The following GSK3B variants were observed in gnomAD, a reference collection of about 807,000 sequenced individuals.
GSK3B encodes the protein glycogen synthase kinase 3 beta.
GSK3B carries 15 observed loss-of-function variants against 56.4 expected under a neutral mutation model. The observed-to-expected ratio is 0.27, with a 90% CI of 0.18 to 0.41. The LOEUF is 0.41. GSK3B is among the 10% of genes least tolerant of loss of function. GSK3B has a pLI of 1.00. For missense variants in GSK3B, 300 were observed against 513.4 expected (o/e 0.58, Z 4.02); for synonymous variants, 181 against 188.9 (o/e 0.96, Z 0.34).
At chr3:119,864,948 CTTT>C (rs1318656065) in intron 8 of GSK3B, among the ~76,000 whole-genome samples, 4 of 152,098 alleles carry the variant, frequency 2.6e-5, no homozygotes, top group Middle Eastern at 3.4e-3. Flanking sequence ...ACAAAGAAAC[CTTT>C]TTGTAAGGTC....
intron 1 of GSK3B, among the ~76,000 whole-genome samples, chr3:120,056,244 T>C (rs1364115742): frequency 6.6e-6 from 1 of 152,256 alleles, no homozygotes; most frequent in Non-Finnish European, 1.5e-5. Flanking sequence ...TAAATGTCTC[T>C]TTTAATTTCT....
At chr3:119,936,626 G>A (rs1038015091) in intron 3 of GSK3B, among the ~76,000 whole-genome samples, 11 of 151,726 alleles carry the variant, frequency 7.2e-5, no homozygotes, top group Non-Finnish European at 1.3e-4. Flanking sequence ...GGGATTACAG[G>A]TGTGAGCCAA....
At chr3:119,885,489 T>C (rs2056426255) in intron 7 of GSK3B, among the ~76,000 whole-genome samples, 1 of 151,754 alleles carries the variant, frequency 6.6e-6, no homozygotes, top group Admixed American at 6.6e-5. Context: ...ACTACCAATG[T>C]CATTTTTCAT....
At chr3:119,961,288 T>C (rs1559854383) in intron 2 of GSK3B, among the ~76,000 whole-genome samples, 1 of 152,162 alleles carries the variant, frequency 6.6e-6, no homozygotes, top group African/African-American at 2.4e-5. Context: ...TGTGTATATA[T>C]AACAACAGCA....
intron 6 of GSK3B, among the ~76,000 whole-genome samples, chr3:119,908,891 C>T (rs2056708720): frequency 6.6e-6 from 1 of 152,190 alleles, no homozygotes; most frequent in African/African-American, 2.4e-5. Context: ...TGTGCTTTGG[C>T]ATTTTGCCAT....
At chr3:119,927,398 G>A (rs1438779503) in intron 3 of GSK3B, among the ~76,000 whole-genome samples, 4 of 152,084 alleles carry the variant, frequency 2.6e-5, no homozygotes, top group African/African-American at 7.2e-5. Flanking sequence ...CTGAATCAGG[G>A]CATAAGGCAA....
At chr3:119,948,431 A>T (rs2057121718) in intron 2 of GSK3B, among the ~76,000 whole-genome samples, 1 of 152,226 alleles carries the variant, frequency 6.6e-6, no homozygotes, top group Non-Finnish European at 1.5e-5. Flanking sequence ...AGTTGGGCTT[A>T]TGTGTACAAT....
At chr3:120,045,419 T>G (rs2107536040) in intron 1 of GSK3B, among the ~76,000 whole-genome samples, 1 of 152,082 alleles carries the variant, frequency 6.6e-6, no homozygotes, top group South Asian at 2.1e-4. Context: ...CTGCACCCAT[T>G]CCACCTTTTT....
intron 1 of GSK3B, among the ~76,000 whole-genome samples, chr3:120,047,221 A>T (rs2058111139): frequency 6.6e-6 from 1 of 152,224 alleles, no homozygotes; most frequent in Non-Finnish European, 1.5e-5. Flanking sequence ...ATTTCCTATC[A>T]CAATTTTCTC....
intron 1 of GSK3B, among the ~76,000 whole-genome samples, chr3:120,007,571 G>A (rs932821347): frequency 6.6e-6 from 1 of 152,180 alleles, no homozygotes; most frequent in African/African-American, 2.4e-5. Flanking sequence ...TATCCACCAC[G>A]ATCAAGTCGG....
intron 8 of GSK3B, among the ~76,000 whole-genome samples, chr3:119,872,920 T>A (rs2056266550): frequency 6.6e-6 from 1 of 151,978 alleles, no homozygotes; most frequent in Non-Finnish European, 1.5e-5. Context: ...AATTTAAATT[T>A]CTTCTCTTCT....
chr3:120,048,077 T>G (rs2058118317), intron 1 of GSK3B, among the ~76,000 whole-genome samples: 1 of 152,230 alleles, frequency 6.6e-6, no homozygotes, highest in African/African-American at 2.4e-5. Flanking sequence ...CACAGAACTA[T>G]GTAAATACAA....
chr3:119,841,912 AAAC>A (rs1217278348), intron 10 of GSK3B, among the ~76,000 whole-genome samples: 15 of 152,222 alleles, frequency 9.9e-5, no homozygotes, highest in African/African-American at 2.9e-4. Context: ...CAACACCATC[AAAC>A]AACAAGACAT....
intron 7 of GSK3B, among the ~76,000 whole-genome samples, chr3:119,903,092 G>A (rs1388481657): frequency 1.3e-5 from 2 of 152,104 alleles, no homozygotes; most frequent in Non-Finnish European, 2.9e-5. Context: ...CATGCAATAA[G>A]ACTTAGAACT....
intron 2 of GSK3B, among the ~76,000 whole-genome samples, chr3:120,001,410 T>TCC (rs935156065): frequency 9.9e-5 from 15 of 152,174 alleles, no homozygotes; most frequent in African/African-American, 3.6e-4. Context: ...AGTCTGGATC[T>TCC]CCCCCTTCAT....
intron 1 of GSK3B, among the ~76,000 whole-genome samples, chr3:120,021,236 T>C (rs1379320500): frequency 6.6e-6 from 1 of 151,910 alleles, no homozygotes; most frequent in Non-Finnish European, 1.5e-5. Flanking sequence ...GCGGGTGCGG[T>C]GGCTCATGCC....
chr3:119,861,253 G>C (rs753841660), intron 9 of GSK3B, among the ~76,000 whole-genome samples: 1 of 152,154 alleles, frequency 6.6e-6, no homozygotes, highest in Non-Finnish European at 1.5e-5. Flanking sequence ...GCTCATGCCT[G>C]TAATCCCAGC....
At chr3:119,925,290 T>C (rs1252974874) in intron 3 of GSK3B, among the ~76,000 whole-genome samples, 1 of 152,210 alleles carries the variant, frequency 6.6e-6, no homozygotes, top group East Asian at 1.9e-4. Context: ...GATCATGCCA[T>C]GCACTCCAGT....
chr3:119,879,027 T>A (rs1351000604), intron 7 of GSK3B, among the ~76,000 whole-genome samples: 1 of 152,164 alleles, frequency 6.6e-6, no homozygotes, highest in African/African-American at 2.4e-5. Context: ...ACTTTAAATA[T>A]GTGCAGTTTT....
Sources: gnomAD v4.1 joint callset for allele counts (sites outside exome capture counted in the v4.1 genomes callset) on GRCh38, gnomAD v4.1.1 for gene constraint, MANE v1.5 for transcripts, NCBI Gene and HGNC (gene_info 2026-07-23, HGNC 2026-07-21) for gene names.